The following CEP83 variants were observed in gnomAD, a reference collection of about 807,000 sequenced individuals.
CEP83 encodes centrosomal protein 83.
In CEP83, 70 loss-of-function variants were observed where a neutral mutation model predicts 101.9. The observed-to-expected ratio is 0.69, with a 90% CI of 0.57 to 0.84. CEP83 has a LOEUF of 0.84. Among genes scored for constraint, CEP83 ranks in the 40% least tolerant of loss-of-function variants. The probability of loss-of-function intolerance (pLI) is 0.00; values close to 1 mark genes in which losing one functional copy is unlikely to be tolerated. For synonymous variants in CEP83, 264 were observed against 267.9 expected (o/e 0.99, Z 0.14); for missense variants, 715 against 787.2 (o/e 0.91, Z 1.10).
At chr12:94,303,522 T>C (rs1283161903), downstream of CEP83, among the ~76,000 whole-genome samples, 1 of 152,138 alleles carries the variant, frequency 6.6e-6, no homozygotes, top group Non-Finnish European at 1.5e-5. Context: ...GCAGAATATA[T>C]TAGCATTTAA....
At chr12:94,303,360 C>T (rs1968659435), downstream of CEP83, among the ~76,000 whole-genome samples, 1 of 152,130 alleles carries the variant, frequency 6.6e-6, no homozygotes, top group South Asian at 2.1e-4. Context: ...TTTGTAAATG[C>T]CAAATTCACT....
At chr12:94,310,555 G>A (rs1220967281) in intron 15 of CEP83, among the ~76,000 whole-genome samples, 2 of 152,112 alleles carry the variant, frequency 1.3e-5, no homozygotes, top group African/African-American at 2.4e-5. Flanking sequence ...TACAAGTCCT[G>A]CAGTCAGCCC....
At chr12:94,283,555 G>A in the CEP83 span, among the ~76,000 whole-genome samples, 3 of 152,184 alleles carry the variant, frequency 2.0e-5, no homozygotes, top group African/African-American at 7.2e-5. Flanking sequence ...TACGGGAGAC[G>A]GGAGTTTTAT....
chr12:94,441,450 A>C (rs1426819681), intron 1 of CEP83, among the ~76,000 whole-genome samples: 2 of 152,218 alleles, frequency 1.3e-5, no homozygotes, highest in Non-Finnish European at 2.9e-5. Context: ...GGGAAATGCA[A>C]ATCAAAACCA....
At chr12:94,447,047 A>G (rs1187416455) in intron 1 of CEP83, among the ~76,000 whole-genome samples, 7 of 152,236 alleles carry the variant, frequency 4.6e-5, no homozygotes, top group African/African-American at 1.7e-4. Context: ...AAGAAACACA[A>G]AAAACTCACC....
intron 11 of CEP83, among the ~76,000 whole-genome samples, chr12:94,346,341 C>T (rs1330681049): frequency 6.6e-6 from 1 of 151,980 alleles, no homozygotes; most frequent in Non-Finnish European, 1.5e-5. Flanking sequence ...GCGTGGGCCA[C>T]CGCACCTGGC....
At chr12:94,396,031 C>T (rs2062867862) in intron 6 of CEP83, among the ~76,000 whole-genome samples, 1 of 152,062 alleles carries the variant, frequency 6.6e-6, no homozygotes, top group East Asian at 1.9e-4. Flanking sequence ...CTCGTCCCTC[C>T]CTCTCTCCTG....
chr12:94,354,870 C>T (rs1381093224), intron 11 of CEP83, among the ~76,000 whole-genome samples: 5 of 151,972 alleles, frequency 3.3e-5, no homozygotes, highest in Non-Finnish European at 7.4e-5. Context: ...ATTATATGGG[C>T]GTGGTGGCAC....
the CEP83 span, among the ~76,000 whole-genome samples, chr12:94,278,704 G>A: frequency 6.6e-6 from 1 of 152,150 alleles, no homozygotes; most frequent in South Asian, 2.1e-4. Context: ...TATTAAAAAA[G>A]TGACCTCTTT....
chr12:94,427,510 C>T (rs1365052273), intron 2 of CEP83, among the ~76,000 whole-genome samples: 1 of 152,194 alleles, frequency 6.6e-6, no homozygotes, highest in Non-Finnish European at 1.5e-5. Flanking sequence ...CCCAGCTTTA[C>T]AGACCTCCAT....
At chr12:94,305,588 C>T (rs928352491), downstream of CEP83, 2 of 280,876 alleles carry the variant, frequency 7.1e-6, no homozygotes, top group Non-Finnish European at 1.3e-5. Flanking sequence ...ACAGTCTCCA[C>T]TTAAGCACAA....
intron 15 of CEP83, among the ~76,000 whole-genome samples, chr12:94,310,904 G>C (rs1969756398): frequency 6.6e-6 from 1 of 152,170 alleles, no homozygotes; most frequent in Non-Finnish European, 1.5e-5. Flanking sequence ...GGGAAACTCT[G>C]AAGTGATAAG....
rs2059331926 is a variant in CEP83 at position 94,333,644 on chromosome 12, A to G, written c.1420-5T>C. 6.2e-7 allele frequency: 1 copy of G among 1,608,702 alleles called. No homozygotes were observed. ...GATCTGCAAACTACTGATTTGCTTA[A>G]AAGAGAAGAAAGAAGATAAATTAAA... is the stretch of plus-strand genomic sequence containing the variant. On this transcript the variant is annotated splice_polypyrimidine_tract_variant and splice_region_variant and intron_variant, in intron 12 of 16. Transcript: ENST00000397809.
chr12:94,428,807 T>C (rs2065400401), intron 2 of CEP83, among the ~76,000 whole-genome samples: 1 of 152,170 alleles, frequency 6.6e-6, no homozygotes, highest in South Asian at 2.1e-4. Flanking sequence ...ATATAAAAAA[T>C]ATACAGACCA....
At chr12:94,271,280 A>C in the CEP83 span, among the ~76,000 whole-genome samples, 4 of 152,230 alleles carry the variant, frequency 2.6e-5, no homozygotes. Context: ...AAGGTATCAC[A>C]GAAAGGAGGC....
chr12:94,400,901 CT>C lies in CEP83; in HGVS notation c.497del (p.Lys166ArgfsTer8). On this transcript the variant is annotated frameshift_variant, in exon 6 of 17. Coordinates refer to ENST00000397809, the MANE Select transcript of CEP83 (RefSeq NM_016122.3). LOFTEE classifies it high-confidence loss of function. ...CATCTAAAATACGTGCATACTCTTC[CT>C]TCTGGTGTTCAAATTCTGACTTGAG... Reference protein sequence around the residue: ...TFLKSEFEHQKEEYARILDEG... With the variant: ...TFLKSEFEHQXEEYARILDEG... 1 of 1,515,912 alleles carries C rather than the reference CT, an allele frequency of 6.6e-7. No homozygotes were observed. The highest frequency in any genetic ancestry group is 8.9e-7 in the Non-Finnish European group (1 of 1,128,718). The allele number at this position is 1,515,912 out of a possible 1,614,324, so 93.9% of individuals were successfully genotyped here.
the CEP83 span, chr12:94,272,004 A>G: frequency 6.6e-6 from 1 of 151,320 alleles, no homozygotes; most frequent in Non-Finnish European, 1.5e-5. Flanking sequence ...CATTGGGCAG[A>G]TGTGAACAGG....
the CEP83 span, chr12:94,300,988 C>T: frequency 3.9e-5 from 63 of 1,613,788 alleles, no homozygotes; most frequent in African/African-American, 2.7e-4. Context: ...CACATATAGA[C>T]GGCTGTTTGT....
the CEP83 span, among the ~76,000 whole-genome samples, chr12:94,284,962 G>A: frequency 1.3e-5 from 2 of 152,224 alleles, no homozygotes; most frequent in African/African-American, 2.4e-5. Flanking sequence ...AGAAGCTGTG[G>A]ATTTCTGGTG....
Sources: allele counts gnomAD v4.1 joint callset (sites outside exome capture counted in the v4.1 genomes callset), GRCh38; gene constraint gnomAD v4.1.1; transcripts MANE v1.5; gene names NCBI Gene and HGNC (gene_info 2026-07-23, HGNC 2026-07-21).